Variants in GULP1 observed in about 807,000 individuals in gnomAD.
The protein encoded by GULP1 is PTB domain-containing engulfment adapter protein 1.
GULP1 carries 19 observed loss-of-function variants against 40.9 expected under a neutral mutation model. The ratio of observed to expected loss-of-function variants is 0.46; its 90% CI spans 0.32 to 0.68. GULP1 has a LOEUF of 0.68. Among genes scored for constraint, GULP1 ranks in the 30% least tolerant of loss-of-function variants. GULP1 has a pLI of 0.03. For missense variants in GULP1, 312 were observed against 362.2 expected (o/e 0.86, Z 1.12); for synonymous variants, 119 against 117.6 (o/e 1.01, Z -0.08).
At chr2:188,513,275 A>G (rs577735449) in intron 4 of GULP1, among the ~76,000 whole-genome samples, 1 of 152,298 alleles carries the variant, frequency 6.6e-6, no homozygotes, top group Non-Finnish European at 1.5e-5. Flanking sequence ...TTTTAGATCA[A>G]TGACTACATC....
At chr2:188,570,923 C>T (rs894530973) in intron 9 of GULP1, among the ~76,000 whole-genome samples, 4 of 151,940 alleles carry the variant, frequency 2.6e-5, no homozygotes, top group African/African-American at 9.7e-5. Flanking sequence ...TTTGGGAGGC[C>T]AAGGCAGGCA....
chr2:188,356,216 G>A (rs1214923257), intron 1 of GULP1, among the ~76,000 whole-genome samples: 1 of 152,022 alleles, frequency 6.6e-6, no homozygotes, highest in Non-Finnish European at 1.5e-5. Flanking sequence ...AGAGAAAAAG[G>A]GCATCCAAAT....
intron 2 of GULP1, among the ~76,000 whole-genome samples, chr2:188,454,958 T>C (rs887067970): frequency 6.6e-6 from 1 of 151,934 alleles, no homozygotes; most frequent in African/African-American, 2.4e-5. Context: ...CCCCCATCTG[T>C]ACAAAAATAA....
chr2:188,355,692 A>G (rs1033959781), intron 1 of GULP1, among the ~76,000 whole-genome samples: 3 of 152,084 alleles, frequency 2.0e-5, no homozygotes, highest in Admixed American at 6.6e-5. Flanking sequence ...TTATCCTGAT[A>G]TCAAAACCTA....
intron 9 of GULP1, among the ~76,000 whole-genome samples, chr2:188,582,120 T>C (rs1187937717): frequency 1.3e-5 from 2 of 152,110 alleles, no homozygotes; most frequent in Non-Finnish European, 2.9e-5. Context: ...AAAAATGTAA[T>C]ATTTCAGTAA....
At chr2:188,425,017 C>T (rs189069969) in intron 2 of GULP1, among the ~76,000 whole-genome samples, 1 of 151,794 alleles carries the variant, frequency 6.6e-6, no homozygotes, top group Non-Finnish European at 1.5e-5. Context: ...TTCTTTTTTT[C>T]GATATTAGTA....
intron 2 of GULP1, among the ~76,000 whole-genome samples, chr2:188,416,380 A>G (rs748452125): frequency 2.1e-4 from 32 of 152,292 alleles, no homozygotes; most frequent in Non-Finnish European, 4.0e-4. Context: ...TACATTTTCA[A>G]TGACTGAAAT....
chr2:188,362,762 T>A (rs147237627), intron 1 of GULP1, among the ~76,000 whole-genome samples: 2,139 of 125,288 alleles, frequency 0.017, 22 homozygotes, highest in Non-Finnish European at 0.024. Flanking sequence ...TTTTTTCACT[T>A]GTAATCTGAC....
chr2:188,347,129 C>T (rs2043790195), intron 1 of GULP1, among the ~76,000 whole-genome samples: 1 of 152,080 alleles, frequency 6.6e-6, no homozygotes, highest in Non-Finnish European at 1.5e-5. Flanking sequence ...AATTGGGACT[C>T]AGAAAAATTA....
chr2:188,358,685 A>G (rs1449308093), intron 1 of GULP1, among the ~76,000 whole-genome samples: 1 of 152,166 alleles, frequency 6.6e-6, no homozygotes, highest in South Asian at 2.1e-4. Context: ...AGGAGACATA[A>G]TTAGTGAGGT....
chr2:188,460,984 C>T (rs2059657223), intron 2 of GULP1, among the ~76,000 whole-genome samples: 1 of 152,120 alleles, frequency 6.6e-6, no homozygotes, highest in Admixed American at 6.5e-5. Flanking sequence ...AAGGGTAAAT[C>T]CCACTTGGTC....
intron 7 of GULP1, among the ~76,000 whole-genome samples, chr2:188,565,147 T>A (rs1009364153): frequency 6.6e-6 from 1 of 151,924 alleles, no homozygotes; most frequent in South Asian, 2.1e-4. Context: ...TGGATAGTGA[T>A]TTCCTGGAAA....
At chr2:188,540,437 T>TAA (rs10674173) in intron 6 of GULP1, among the ~76,000 whole-genome samples, 1 of 132,746 alleles carries the variant, frequency 7.5e-6, no homozygotes, top group Non-Finnish European at 1.5e-5. Flanking sequence ...TAATTTAATA[T>TAA]GTGTGTGTGT....
rs904170829 is a variant in GULP1 at position 188,497,284 on chromosome 2, A to G, written c.90+13792A>G. On this transcript the variant is annotated intron_variant, in intron 4 of 11. Transcript: ENST00000409830. ...ATTTATTTAGTAAATTTCATAAGTA[A>G]TGTTCTTCTGTATGTTTTCCAGCAT... Among the ~76,000 whole-genome samples, 4 of 152,118 alleles carry G rather than the reference A, an allele frequency of 2.6e-5. 1 individual carries two copies.
intron 4 of GULP1, among the ~76,000 whole-genome samples, chr2:188,511,669 C>T (rs1559327356): frequency 2.0e-5 from 3 of 151,900 alleles, no homozygotes; most frequent in Non-Finnish European, 2.9e-5. Flanking sequence ...CTTGTTTGGA[C>T]TTAAACATGG....
chr2:188,553,714 A>G (rs1425994592), intron 7 of GULP1, among the ~76,000 whole-genome samples: 1 of 151,974 alleles, frequency 6.6e-6, no homozygotes, highest in Non-Finnish European at 1.5e-5. Flanking sequence ...ATGTTTTGGA[A>G]TAGTTTCAGG....
intron 1 of GULP1, among the ~76,000 whole-genome samples, chr2:188,313,121 T>C (rs2038460026): frequency 6.6e-6 from 1 of 152,214 alleles, no homozygotes; most frequent in African/African-American, 2.4e-5. Flanking sequence ...CTCTTTAGTT[T>C]AATTAGATCC....
intron 4 of GULP1, among the ~76,000 whole-genome samples, chr2:188,505,479 T>C (rs1251851585): frequency 6.6e-6 from 1 of 151,830 alleles, no homozygotes; most frequent in African/African-American, 2.4e-5. Context: ...CATATTATAA[T>C]ATACAGAATA....
chr2:188,574,853 A>C (rs1699854046), intron 9 of GULP1, among the ~76,000 whole-genome samples: 1 of 152,176 alleles, frequency 6.6e-6, no homozygotes, highest in African/African-American at 2.4e-5. Flanking sequence ...CATAAATTTA[A>C]AATGTGAGGC....
Sources: gnomAD v4.1 joint callset for allele counts (sites outside exome capture counted in the v4.1 genomes callset) on GRCh38, gnomAD v4.1.1 for gene constraint, MANE v1.5 for transcripts, NCBI Gene and HGNC (gene_info 2026-07-23, HGNC 2026-07-21) for gene names.